Variants in TANC1 observed in about 807,000 individuals in gnomAD.
TANC1 encodes protein TANC1.
In TANC1, 77 loss-of-function variants were observed where a neutral mutation model predicts 149.7. That is an observed-to-expected ratio of 0.51 (90% CI 0.43 to 0.62). TANC1 has a LOEUF of 0.62. Ranked by LOEUF, TANC1 falls within the 20% of genes least tolerant of loss-of-function variation. The pLI is 0.00. For missense variants in TANC1, 1,985 were observed against 2,321.8 expected (o/e 0.85, Z 2.98); for synonymous variants, 854 against 925.0 (o/e 0.92, Z 1.39).
chr2:159,107,498 C>G (rs984683641), intron 4 of TANC1, among the ~76,000 whole-genome samples: 2 of 152,150 alleles, frequency 1.3e-5, no homozygotes, highest in African/African-American at 4.8e-5. Flanking sequence ...GTCCTGTGAT[C>G]CATTTTGAGT....
chr2:158,985,556 A>G (rs1384416307), intron 1 of TANC1, among the ~76,000 whole-genome samples: 1 of 152,126 alleles, frequency 6.6e-6, no homozygotes, highest in Non-Finnish European at 1.5e-5. Flanking sequence ...TTAACCTCAG[A>G]TTATTACTTC....
chr2:159,096,804 T>G (rs2046190387), intron 3 of TANC1, among the ~76,000 whole-genome samples: 1 of 152,180 alleles, frequency 6.6e-6, no homozygotes, highest in African/African-American at 2.4e-5. Flanking sequence ...AGACGTGAAC[T>G]ACTAATTAGG....
intron 19 of TANC1, among the ~76,000 whole-genome samples, chr2:159,215,137 C>A (rs1275165677): frequency 6.6e-6 from 1 of 152,210 alleles, no homozygotes; most frequent in African/African-American, 2.4e-5. Flanking sequence ...TCCCCATGGT[C>A]ATCCTGGACC....
In TANC1 at chr2:159,136,047, T is replaced by TGTGTGTGTGTGCGC. The variant is rs1457762905; in HGVS notation, c.260-144_260-143insTGTGTGTGCGCGTG. 1.3e-3 allele frequency: 273 copies of TGTGTGTGTGTGCGC among 211,258 alleles called. 33 individuals are homozygous for TGTGTGTGTGTGCGC. Among genetic ancestry groups the TGTGTGTGTGTGCGC allele is most frequent in the South Asian group, 5.0e-3 (134 of 26,724 alleles). 13.1% of individuals were successfully genotyped at this position (211,258 alleles called of 1,614,324 possible). ...GTGTGTGTGTGTGTGTGTGTGTGTG[T>TGTGTGTGTGTGCGC]GTGCGCGCGCGCGCGTTTAAGGGAG... On this transcript the variant is annotated intron_variant, in intron 4 of 26. Coordinates refer to ENST00000263635, the MANE Select transcript of TANC1 (RefSeq NM_033394.3).
chr2:159,049,270 G>A (rs948137781), intron 2 of TANC1, among the ~76,000 whole-genome samples: 1 of 152,136 alleles, frequency 6.6e-6, no homozygotes, highest in African/African-American at 2.4e-5. Context: ...CAGTTGTTTT[G>A]ACTGAACTTG....
intron 7 of TANC1, among the ~76,000 whole-genome samples, chr2:159,151,608 T>C (rs533371667): frequency 1.5e-4 from 23 of 152,220 alleles, no homozygotes; most frequent in Non-Finnish European, 2.9e-4. Context: ...CTGCAGTTTA[T>C]TTCAAGTGTA....
At chr2:159,045,817 A>G (rs1446467444) in intron 2 of TANC1, among the ~76,000 whole-genome samples, 2 of 152,246 alleles carry the variant, frequency 1.3e-5, no homozygotes, top group Non-Finnish European at 2.9e-5. Flanking sequence ...AAACTATTTT[A>G]TAATTTTCAC....
chr2:158,999,299 C>T (rs528281645), intron 1 of TANC1, among the ~76,000 whole-genome samples: 2 of 152,044 alleles, frequency 1.3e-5, no homozygotes, highest in African/African-American at 2.4e-5. Context: ...AAATTGGTAT[C>T]GAGAAATTAG....
chr2:159,056,137 C>G (rs2041834046), intron 2 of TANC1: 1 of 257,936 alleles, frequency 3.9e-6, no homozygotes, highest in Admixed American at 4.0e-5. Context: ...CATCCAGGCA[C>G]TTGGGCTCAA....
In TANC1 at chr2:159,058,414, G is replaced by T. The variant is rs77838873; in HGVS notation, c.-15-7482G>T. On this transcript the variant is annotated intron_variant, in intron 2 of 26. Coordinates refer to ENST00000263635, the MANE Select transcript of TANC1 (RefSeq NM_033394.3). ...AACTCCTTGTTGGAAGAGAATTGCCGTTGATTTTGATTTCCCTTCCATAAT... is the reference window on the plus strand; with the variant it reads ...AACTCCTTGTTGGAAGAGAATTGCCTTTGATTTTGATTTCCCTTCCATAAT... Among the ~76,000 whole-genome samples, 740 of 152,100 alleles carry T rather than the reference G, an allele frequency of 4.9e-3. 3 individuals carry two copies. The highest frequency in any genetic ancestry group is 7.7e-3 in the Non-Finnish European group (521 of 67,996).
At chr2:159,152,164 C>T (rs946781856) in intron 7 of TANC1, among the ~76,000 whole-genome samples, 5 of 152,302 alleles carry the variant, frequency 3.3e-5, no homozygotes, top group African/African-American at 9.6e-5. Context: ...TCTGCTAATT[C>T]CCCATTCTCA....
chr2:158,992,025 G>A (rs189758370), intron 1 of TANC1, among the ~76,000 whole-genome samples: 6 of 152,232 alleles, frequency 3.9e-5, no homozygotes, highest in Non-Finnish European at 7.4e-5. Context: ...AATTATAAAT[G>A]TTAAGTGATG....
chr2:159,231,534 A>G lies in TANC1; in HGVS notation c.*522A>G, dbSNP rs2060331867. On this transcript the variant is annotated 3_prime_UTR_variant, in exon 27 of 27. Transcript: ENST00000263635. ...TAGCTAAATATAAGTGCGACTGTAA[A>G]CGCAGCCAATTTTTTTAAGCAGAAT... 1 of 154,046 alleles carries G rather than the reference A, an allele frequency of 6.5e-6. No individual in the cohort carries two copies. The highest frequency in any genetic ancestry group is 2.4e-5 in the African/African-American group (1 of 41,460). The allele number at this position is 154,046 out of a possible 1,614,324, so 9.5% of individuals were successfully genotyped here.
At chr2:158,998,777 A>T (rs934861553) in intron 1 of TANC1, among the ~76,000 whole-genome samples, 36 of 152,316 alleles carry the variant, frequency 2.4e-4, no homozygotes, top group Admixed American at 2.0e-3. Context: ...CTGAGCTACT[A>T]AAGTTGTAAT....
At chr2:159,227,570 C>T in intron 24 of TANC1, 2 of 493,756 alleles carry the variant, frequency 4.1e-6, no homozygotes, top group Non-Finnish European at 7.1e-6. Context: ...TTTACAGACA[C>T]CTTATTGTAA....
chr2:158,974,555 C>A (rs981390399), intron 1 of TANC1, among the ~76,000 whole-genome samples: 3 of 152,134 alleles, frequency 2.0e-5, no homozygotes, highest in African/African-American at 7.2e-5. Flanking sequence ...GCCTCGGCCT[C>A]CCGAGTAGCT....
intron 2 of TANC1, among the ~76,000 whole-genome samples, chr2:159,063,021 G>A (rs1466206790): frequency 1.4e-5 from 2 of 143,122 alleles, no homozygotes; most frequent in East Asian, 4.2e-4. Flanking sequence ...GAGAGCTTTT[G>A]TTTAAAGCTG....
intron 7 of TANC1, among the ~76,000 whole-genome samples, chr2:159,154,222 AG>A (rs2053177409): frequency 6.6e-6 from 1 of 152,146 alleles, no homozygotes; most frequent in South Asian, 2.1e-4. Context: ...GTTTATTCAG[AG>A]CAGTTTGGGG....
intron 2 of TANC1, among the ~76,000 whole-genome samples, chr2:159,025,014 AT>A (rs894690261): frequency 6.6e-6 from 1 of 152,126 alleles, no homozygotes; most frequent in African/African-American, 2.4e-5. Context: ...TCCATCCTCT[AT>A]CCCCATCATT....
Sources: allele counts gnomAD v4.1 joint callset (sites outside exome capture counted in the v4.1 genomes callset), GRCh38; gene constraint gnomAD v4.1.1; transcripts MANE v1.5; gene names NCBI Gene and HGNC (gene_info 2026-07-23, HGNC 2026-07-21).